Variants in NLGN1 observed in about 807,000 individuals in gnomAD.
NLGN1 encodes the protein neuroligin 1.
NLGN1 carries 12 observed loss-of-function variants against 65.5 expected under a neutral mutation model. That is an observed-to-expected ratio of 0.18 (90% confidence interval 0.12 to 0.30). The LOEUF (loss-of-function observed/expected upper bound fraction) is 0.30. Among genes scored for constraint, NLGN1 ranks in the 10% least tolerant of loss-of-function variants. NLGN1 has a pLI of 1.00. For missense variants in NLGN1, 750 were observed against 1,007.1 expected, an observed-to-expected ratio of 0.74 and a Z score of 3.46; for synonymous variants, 350 against 359.5, an observed-to-expected ratio of 0.97 and a Z score of 0.30.
chr3:173,764,342 CA>C (rs1778434867), intron 3 of NLGN1, among the ~76,000 whole-genome samples: 1 of 152,042 alleles, frequency 6.6e-6, no homozygotes, highest in African/African-American at 2.4e-5. Context: ...TAGGTTTCAC[CA>C]TGAAGGGCCA....
intron 3 of NLGN1, among the ~76,000 whole-genome samples, chr3:173,663,994 G>T (rs1009212373): frequency 1.3e-5 from 2 of 151,910 alleles, no homozygotes; most frequent in Non-Finnish European, 2.9e-5. Context: ...TTGGGAAGAT[G>T]GAGGAGTATT....
rs549685262 is a variant in NLGN1 at position 173,620,460 on chromosome 3, G to A, written c.493+15369G>A. On this transcript the variant is annotated intron_variant, in intron 3 of 6. Transcript: ENST00000457714. ...CCTTGTCTAATGTGGTTTCTTCACT[G>A]GAACTCAAGAAGGCAGGATAGGGAA... 1.3e-4 allele frequency among the ~76,000 whole-genome samples: 20 copies of A among 151,948 alleles called. No individual in the cohort carries two copies. In the South Asian group the frequency reaches 3.5e-3, roughly 27 times the overall value.
At chr3:173,632,988 C>G (rs181954008) in intron 3 of NLGN1, among the ~76,000 whole-genome samples, 1 of 151,038 alleles carries the variant, frequency 6.6e-6, no homozygotes, top group Admixed American at 6.6e-5. Context: ...GTTGTTTGCT[C>G]TTAAAATATT....
At chr3:173,572,143 A>G (rs143277507) in intron 2 of NLGN1, among the ~76,000 whole-genome samples, 2 of 152,334 alleles carry the variant, frequency 1.3e-5, no homozygotes, top group African/African-American at 2.4e-5. Flanking sequence ...AGTCTAAAAC[A>G]TGTCTGGATC....
chr3:173,433,249 C>G (rs1717519634), intron 1 of NLGN1, among the ~76,000 whole-genome samples: 2 of 152,192 alleles, frequency 1.3e-5, no homozygotes, highest in Admixed American at 1.3e-4. Context: ...GGGCTGCCCT[C>G]CTGCAGGAGC....
chr3:174,070,025 A>G (rs1294663505), intron 4 of NLGN1, among the ~76,000 whole-genome samples: 1 of 152,200 alleles, frequency 6.6e-6, no homozygotes, highest in Non-Finnish European at 1.5e-5. Flanking sequence ...AGAGTTTGAC[A>G]TGTAGTAATT....
chr3:173,575,477 C>T (rs563218500), intron 2 of NLGN1, among the ~76,000 whole-genome samples: 1 of 152,210 alleles, frequency 6.6e-6, no homozygotes, highest in African/African-American at 2.4e-5. Context: ...AAGTTACCTT[C>T]AGGCATTCTT....
chr3:173,455,023 C>T (rs1434333418), intron 2 of NLGN1, among the ~76,000 whole-genome samples: 2 of 152,106 alleles, frequency 1.3e-5, no homozygotes, highest in South Asian at 2.1e-4. Context: ...GTTGGTGGAG[C>T]AATCAGAACA....
intron 3 of NLGN1, among the ~76,000 whole-genome samples, chr3:173,717,147 G>GAC (rs1769995032): frequency 6.6e-6 from 1 of 152,154 alleles, no homozygotes; most frequent in South Asian, 2.1e-4. Context: ...AGCCAATTTG[G>GAC]TATGGTGATG....
intron 4 of NLGN1, among the ~76,000 whole-genome samples, chr3:174,055,414 G>A (rs1016511183): frequency 6.6e-6 from 1 of 151,878 alleles, no homozygotes; most frequent in African/African-American, 2.4e-5. Context: ...TGCAGAAAAG[G>A]CAAAGAGGCC....
At chr3:173,957,676 G>A (rs935227732) in intron 4 of NLGN1, among the ~76,000 whole-genome samples, 5 of 152,222 alleles carry the variant, frequency 3.3e-5, no homozygotes, top group Non-Finnish European at 7.3e-5. Flanking sequence ...ACTCTTAAGA[G>A]AAGGAATACA....
intron 4 of NLGN1, among the ~76,000 whole-genome samples, chr3:174,051,041 C>T (rs1239299125): frequency 2.6e-5 from 4 of 152,024 alleles, no homozygotes; most frequent in Non-Finnish European, 5.9e-5. Flanking sequence ...AACAAGAGGC[C>T]TCCAGCTCCC....
intron 3 of NLGN1, among the ~76,000 whole-genome samples, chr3:173,790,521 A>T (rs1161260577): frequency 6.6e-6 from 1 of 152,190 alleles, no homozygotes; most frequent in Non-Finnish European, 1.5e-5. Context: ...AAATTTTATT[A>T]TGCAAGTATT....
chr3:173,689,962 A>G (rs1314644825), intron 3 of NLGN1, among the ~76,000 whole-genome samples: 1 of 152,220 alleles, frequency 6.6e-6, no homozygotes, highest in Non-Finnish European at 1.5e-5. Flanking sequence ...GTGTTATGAA[A>G]AAAGTAAACA....
intron 2 of NLGN1, among the ~76,000 whole-genome samples, chr3:173,441,173 A>G (rs879299868): frequency 1.3e-5 from 2 of 152,178 alleles, no homozygotes; most frequent in Admixed American, 1.3e-4. Context: ...GCTGTGGGTT[A>G]GGCTTTAGCT....
chr3:173,546,157 A>G (rs1202402133), intron 2 of NLGN1, among the ~76,000 whole-genome samples: 2 of 152,174 alleles, frequency 1.3e-5, no homozygotes, highest in South Asian at 2.1e-4. Flanking sequence ...GTTCAAATAT[A>G]TACAATGTAA....
chr3:173,534,971 C>A (rs933610550), intron 2 of NLGN1, among the ~76,000 whole-genome samples: 1 of 152,136 alleles, frequency 6.6e-6, no homozygotes, highest in Non-Finnish European at 1.5e-5. Flanking sequence ...ATGTTCTTTG[C>A]AAACACTGAA....
intron 4 of NLGN1, among the ~76,000 whole-genome samples, chr3:174,154,723 G>A (rs972108899): frequency 6.6e-6 from 1 of 150,980 alleles, no homozygotes; most frequent in Non-Finnish European, 1.5e-5. Context: ...TTGTGTGTGT[G>A]TATATGTAGA....
At chr3:173,571,948 A>G (rs1234679633) in intron 2 of NLGN1, among the ~76,000 whole-genome samples, 1 of 152,256 alleles carries the variant, frequency 6.6e-6, no homozygotes, top group Non-Finnish European at 1.5e-5. Flanking sequence ...CTGTCTTTCT[A>G]CAAATATTAC....
Sources: gnomAD v4.1 joint callset for allele counts (sites outside exome capture counted in the v4.1 genomes callset) on GRCh38, gnomAD v4.1.1 for gene constraint, MANE v1.5 for transcripts, NCBI Gene and HGNC (gene_info 2026-07-23, HGNC 2026-07-21) for gene names.